TYMS: variants seen among roughly 807,000 people sequenced by gnomAD.
TYMS encodes thymidylate synthetase.
TYMS carries 21 observed loss-of-function variants against 39.3 expected under a neutral mutation model. The ratio of observed to expected loss-of-function variants is 0.54; its 90% CI spans 0.38 to 0.77. TYMS has a LOEUF of 0.77. Among genes scored for constraint, TYMS ranks in the 30% least tolerant of loss-of-function variants. The pLI, the probability that TYMS is intolerant of heterozygous loss-of-function variation, is 0.00. For missense variants in TYMS, 273 were observed against 406.7 expected, an observed-to-expected ratio of 0.67 and a Z score of 2.83; for synonymous variants, 171 against 162.2, an observed-to-expected ratio of 1.05 and a Z score of -0.41.
At position 673,284 on chromosome 18, in the gene TYMS, G is replaced by A. The variant is rs1357707098; in HGVS notation, c.*287G>A. ...ATGTGCTCTTAGCAAAAACATGTATGTGCATTTCAATCCCACGTACTTATA... is the reference window on the plus strand; with the variant it reads ...ATGTGCTCTTAGCAAAAACATGTATATGCATTTCAATCCCACGTACTTATA... On this transcript the variant is annotated 3_prime_UTR_variant, in exon 7 of 7. Transcript: ENST00000323274. 7.3e-6 allele frequency: 2 copies of A among 272,174 alleles called. No homozygotes were observed. Among genetic ancestry groups the A allele is most frequent in the African/African-American group, 2.2e-5 (1 of 46,466 alleles). 16.9% of individuals were successfully genotyped at this position (272,174 alleles called of 1,614,324 possible). A position where few individuals can be genotyped will look rare whatever the true frequency, so the allele number is the denominator to read the frequency against.
chr18:658,057 A>G lies in TYMS; in HGVS notation c.205+110A>G, dbSNP rs370824496. On this transcript the variant is annotated intron_variant, in intron 1 of 6. Transcript: ENST00000323274. This position sits in a 1 kb window ranked among gnomAD's most constrained non-coding sequence, Gnocchi z 4.5. ...CGGACCCCGTTTAGTCCTAACCTCA[A>G]TCCTGCGAGGGAGGGGACGCATCGT... is the stretch of plus-strand genomic sequence containing the variant. 81 of 1,569,760 alleles carry G rather than the reference A, an allele frequency of 5.2e-5. No individual in the cohort carries two copies. The African/African-American group carries it at 9.0e-4, about 17-fold the overall frequency.
chr18:667,571 A>ATGGAGATGGTGATGGTGATGGAGATGGT (rs1368458016), intron 3 of TYMS: 2 of 27,964 alleles, frequency 7.2e-5, no homozygotes, highest in Non-Finnish European at 6.1e-5. Context: ...ATGGTGATGG[A>ATGGAGATGGTGATGGTGATGGAGATGGT]GATGGTGATG....
chr18:667,573 ATGGTG>A lies in TYMS; in HGVS notation c.455-1498_455-1494del, dbSNP rs2074880321. ...GATGGAGATGGTGATGGTGATGGAG[ATGGTG>A]ATGGTGATGGTGATGGTGATGGTGA... On this transcript the variant is annotated intron_variant, in intron 3 of 6. Coordinates refer to ENST00000323274, the MANE Select transcript of TYMS (RefSeq NM_001071.4). 2.5e-4 allele frequency: 20 copies of A among 79,932 alleles called. 2 individuals are homozygous for A. Among genetic ancestry groups the A allele is most frequent in the Admixed American group, 2.0e-3 (19 of 9,354 alleles). 5.0% of individuals were successfully genotyped at this position (79,932 alleles called of 1,614,324 possible). A position where few individuals can be genotyped will look rare whatever the true frequency, so the allele number is the denominator to read the frequency against.
Position 658,290 on chromosome 18 carries a change from C to G in TYMS, c.205+343C>G. 1 of 1,411,710 alleles carries G rather than the reference C, an allele frequency of 7.1e-7. No homozygotes were observed. The highest frequency in any genetic ancestry group is 9.4e-7 in the Non-Finnish European group (1 of 1,058,388). The allele number at this position is 1,411,710 out of a possible 1,614,324, so 87.4% of individuals were successfully genotyped here. On this transcript the variant is annotated intron_variant, in intron 1 of 6. Coordinates refer to ENST00000323274, the MANE Select transcript of TYMS (RefSeq NM_001071.4). The surrounding 1 kb of genome is among the most constrained non-coding windows in gnomAD (Gnocchi z 4.5). ...GTGCTGGAGGGTTAGGGAGAGCTGC[C>G]TGGGCTTGACCGCGCGCCGGTCTCA...
chr18:659,112 C>T (rs2074728456), intron 1 of TYMS, among the ~76,000 whole-genome samples: 1 of 152,136 alleles, frequency 6.6e-6, no homozygotes, highest in Non-Finnish European at 1.5e-5. Context: ...GAAAATAATG[C>T]TTAGTAGGCA....
At chr18:669,231 C>T in intron 4 of TYMS, 58 bp downstream of exon 4, 1 of 1,512,236 alleles carries the variant, frequency 6.6e-7, no homozygotes, top group Non-Finnish European at 9.1e-7. Flanking sequence ...GGGAAGCAAT[C>T]TGGTTTTGTG....
Position 657,698 on chromosome 18 carries a change from CCCGCCGCGCCA to C in TYMS, c.-43_-33del. 1 of 1,284,450 alleles carries C rather than the reference CCCGCCGCGCCA, an allele frequency of 7.8e-7. No individual in the cohort carries two copies. The highest frequency in any genetic ancestry group is 2.2e-5 in the South Asian group (1 of 46,268). The allele number at this position is 1,284,450 out of a possible 1,614,324, so 79.6% of individuals were successfully genotyped here. On this transcript the variant is annotated 5_prime_UTR_variant, in exon 1 of 7. Coordinates refer to ENST00000323274, the MANE Select transcript of TYMS (RefSeq NM_001071.4). ...GCCGCGCCACTTGGCCTGCCTCCGT[CCCGCCGCGCCA>C]CTTCGCCTGCCTCCGTCCCCCGCCC... is the stretch of plus-strand genomic sequence containing the variant.
chr18:671,647 C>T, intron 6 of TYMS, 196 bp downstream of exon 6: 1 of 612,846 alleles, frequency 1.6e-6, no homozygotes, highest in East Asian at 2.8e-5. Context: ...GGGCACTTAA[C>T]ATGTCAGGTG....
chr18:664,776 CAT>C (rs1230658726), intron 3 of TYMS, among the ~76,000 whole-genome samples: 1 of 150,074 alleles, frequency 6.7e-6, no homozygotes, highest in African/African-American at 2.5e-5. Context: ...TTGAGATAAT[CAT>C]GTGGTTTTTG....
intron 3 of TYMS, among the ~76,000 whole-genome samples, chr18:668,245 A>T (rs909056742): frequency 6.7e-6 from 1 of 148,458 alleles, no homozygotes; most frequent in Admixed American, 6.7e-5. Context: ...AAAATCTTTG[A>T]TGTTACCTTT....
chr18:668,978 T>G, intron 3 of TYMS, 94 bp from the exon 4 acceptor site: 2 of 1,037,582 alleles, frequency 1.9e-6, no homozygotes, highest in Non-Finnish European at 1.4e-6. Flanking sequence ...GGGGGGACCC[T>G]GGGTAAGAGA....
rs1166176554 is a variant in TYMS at position 663,539 on chromosome 18, T to G, written c.454+1219T>G. ...AGTTTAATTAGATCCCATTTGTCAA[T>G]TTTGTCTTTTGTTGCCATTGCTTTT... On this transcript the variant is annotated intron_variant, in intron 3 of 6. Transcript: ENST00000323274. Among the ~76,000 whole-genome samples the G allele has an allele frequency of 2.3e-5, 2 of 87,284 alleles. 1 individual carries two copies. The highest frequency in any genetic ancestry group is 1.6e-4 in the African/African-American group (2 of 12,686). The allele number at this position is 87,284 out of a possible 152,430, so 57.3% of individuals were successfully genotyped here. A position where few individuals can be genotyped will look rare whatever the true frequency, so the allele number is the denominator to read the frequency against.
At chr18:667,716 G>A (rs1381933390) in intron 3 of TYMS, 1 of 152,178 alleles carries the variant, frequency 6.6e-6, no homozygotes, top group Non-Finnish European at 1.5e-5. Context: ...TTATCACAAT[G>A]AAAAAAGCTG....
In TYMS at chr18:673,196, G is replaced by C. The variant is rs1017085562; in HGVS notation, c.*199G>C. ...TTCTTTCCATAATAAAAGGCTTTGAGTTAACTCACTGAGGGTATCTGACAA... is the reference window on the plus strand; with the variant it reads ...TTCTTTCCATAATAAAAGGCTTTGACTTAACTCACTGAGGGTATCTGACAA... On this transcript the variant is annotated 3_prime_UTR_variant, in exon 7 of 7. Coordinates refer to ENST00000323274, the MANE Select transcript of TYMS (RefSeq NM_001071.4). The C allele has an allele frequency of 4.2e-6, 2 of 477,290 alleles. No homozygotes were observed. Among genetic ancestry groups the C allele is most frequent in the African/African-American group, 3.8e-5 (2 of 52,686 alleles). 29.6% of individuals were successfully genotyped at this position (477,290 alleles called of 1,614,324 possible). A position where few individuals can be genotyped will look rare whatever the true frequency, so the allele number is the denominator to read the frequency against.
At position 658,539 on chromosome 18, in the gene TYMS, TAA is replaced by T; in HGVS notation, c.205+593_205+594del. ...AAAGAGAAATTCGGGAGTTCGAGTA[TAA>T]GTTCTTAGTCGTCCTTTCCTCTTTC... On this transcript the variant is annotated intron_variant, in intron 1 of 6. Coordinates refer to ENST00000323274, the MANE Select transcript of TYMS (RefSeq NM_001071.4). The surrounding 1 kb of genome is among the most constrained non-coding windows in gnomAD (Gnocchi z 4.5). 4.7e-6 allele frequency: 1 copy of T among 213,486 alleles called. No homozygotes were observed. The highest frequency in any genetic ancestry group is 7.5e-6 in the Non-Finnish European group (1 of 132,522). The allele number at this position is 213,486 out of a possible 1,614,324, so 13.2% of individuals were successfully genotyped here. A position where few individuals can be genotyped will look rare whatever the true frequency, so the allele number is the denominator to read the frequency against.
Position 670,804 on chromosome 18 carries a change from G to A in TYMS, c.669G>A (p.Val223=), listed in dbSNP as rs142487107. ...GATCGGGAGACATGGGCCTCGGTGT[G>A]CCTTTCAACATCGCCAGCTACGCCC... ...YQRSGDMGLG[V]PFNIASYALL... Residue 223 remains valine, a synonymous_variant, in exon 5 of 7, where the codon GTG becomes GTA. Coordinates refer to ENST00000323274, the MANE Select transcript of TYMS (RefSeq NM_001071.4). 216 of 1,614,090 alleles carry A rather than the reference G, an allele frequency of 1.3e-4. No individual in the cohort carries two copies. In the African/African-American group the frequency reaches 2.6e-3, roughly 19 times the overall value.
chr18:664,092 A>G lies in TYMS; in HGVS notation c.454+1772A>G, dbSNP rs375538474. 6.1e-3 allele frequency among the ~76,000 whole-genome samples: 898 copies of G among 147,276 alleles called. 11 individuals are homozygous for G. Among genetic ancestry groups the G allele is most frequent in the African/African-American group, 0.021 (816 of 38,596 alleles). On this transcript the variant is annotated intron_variant, in intron 3 of 6. Transcript: ENST00000323274. ...GCTTGATGGGGATGGCATTGAATCTATAAATTACCTTGGGCAGTATGGCCA... is the reference window on the plus strand; with the variant it reads ...GCTTGATGGGGATGGCATTGAATCTGTAAATTACCTTGGGCAGTATGGCCA...
intron 3 of TYMS, among the ~76,000 whole-genome samples, chr18:667,316 A>T (rs374091813): frequency 4.1e-4 from 8 of 19,552 alleles, no homozygotes; most frequent in Admixed American, 9.8e-4. Context: ...ATGGTGATGG[A>T]GATGGTGATG....
rs2074925101 is a variant in TYMS at position 669,073 on chromosome 18, T to C, written c.456T>C (p.Asp152=). The C allele has an allele frequency of 1.2e-6, 2 of 1,613,278 alleles. No homozygotes were observed. The highest frequency in any genetic ancestry group is 1.7e-6 in the Non-Finnish European group (2 of 1,179,212). ...CCTCTCTTTTTGACAATTCTACAGA[T>C]TATTCAGGACAGGGAGTTGACCAAC... ...FGAEYRDMES[D]YSGQGVDQLQ... The change falls in exon 4 of 7, where the codon GAT becomes GAC. Residue 152 remains aspartate, a splice_region_variant and synonymous_variant. Transcript: ENST00000323274.
Sources: gnomAD v4.1 joint callset for allele counts (sites outside exome capture counted in the v4.1 genomes callset) on GRCh38, gnomAD v4.1.1 for gene constraint, Gnocchi (gnomAD v3.1) non-coding constraint, MANE v1.5 for transcripts, NCBI Gene and HGNC (gene_info 2026-07-23, HGNC 2026-07-21) for gene names.